Variants in FAM234B observed in about 807,000 individuals in gnomAD.
FAM234B encodes family with sequence similarity 234 member B.
A neutral mutation model predicts 69.3 loss-of-function variants in FAM234B; 33 were observed. That is an observed-to-expected ratio of 0.48 (90% CI 0.36 to 0.64). The LOEUF is 0.64. FAM234B is among the 30% of genes least tolerant of loss of function. FAM234B has a pLI of 0.00. For synonymous variants in FAM234B, 306 were observed against 306.9 expected (o/e 1.00, Z 0.03); for missense variants, 697 against 769.7 (o/e 0.91, Z 1.12).
chr12:13,072,654 C>A (rs1031973721), intron 10 of FAM234B, among the ~76,000 whole-genome samples: 1 of 150,720 alleles, frequency 6.6e-6, no homozygotes, highest in African/African-American at 2.4e-5. Flanking sequence ...CGCTTGAACC[C>A]GGGAGGCAGA....
rs1473666675 is a variant in FAM234B, at chr12:13,055,807, G to A, written c.294G>A (p.Leu98=). The change falls in exon 2 of 13, where the codon CTG becomes CTA. Residue 98 remains leucine, a synonymous_variant. Transcript: ENST00000197268. ...TGGAACAGAAGGCGGCCTCCTCCCT[G>A]GTGTCATATGTGCGCACGTCTGTCT... ...GGLEQKAASS[L]VSYVRTSVFL... is the part of the protein sequence containing the mutation. 3 of 1,614,038 alleles carry A rather than the reference G, an allele frequency of 1.9e-6. No individual in the cohort carries two copies. Among genetic ancestry groups the A allele is most frequent in the African/African-American group, 1.3e-5 (1 of 74,912 alleles).
intron 1 of FAM234B, among the ~76,000 whole-genome samples, chr12:13,053,513 C>T (rs536549209): frequency 2.0e-5 from 3 of 151,982 alleles, no homozygotes; most frequent in South Asian, 2.1e-4. Context: ...TCGGTAGGTC[C>T]GTGATGTCCC....
chr12:13,070,211 A>ATATATATATATATAT (rs1865090916), intron 9 of FAM234B, among the ~76,000 whole-genome samples: 2 of 142,352 alleles, frequency 1.4e-5, no homozygotes, highest in African/African-American at 5.2e-5. Context: ...ATATATATAT[A>ATATATATATATATAT]AAATGAAATA....
chr12:13,058,314 G>A, intron 2 of FAM234B, 137 bp from the exon 3 acceptor site: 1 of 712,514 alleles, frequency 1.4e-6, no homozygotes, highest in Non-Finnish European at 2.6e-6. Flanking sequence ...ACTTAGCAGG[G>A]GGAGTAGGGA....
At position 13,082,600 on chromosome 12, in the gene FAM234B, GC is replaced by G. The variant is rs1233924864; in HGVS notation, c.*1972del. 1 of 152,154 alleles carries G rather than the reference GC, an allele frequency of 6.6e-6. No individual in the cohort carries two copies. Among genetic ancestry groups the G allele is most frequent in the African/African-American group, 2.4e-5 (1 of 41,432 alleles). The allele number at this position is 152,154 out of a possible 1,614,324, so 9.4% of individuals were successfully genotyped here. A position where few individuals can be genotyped will look rare whatever the true frequency, so the allele number is the denominator to read the frequency against. Reference sequence around the variant, plus strand: ...GATTTGAATCTACTTGAGTTTAAGGGCCTGGGACCTAATTTGGTTTAGTATA... The same window carrying G: ...GATTTGAATCTACTTGAGTTTAAGGGCTGGGACCTAATTTGGTTTAGTATA... On this transcript the variant is annotated 3_prime_UTR_variant, in exon 13 of 13. Transcript: ENST00000197268.
chr12:13,072,994 G>A (rs978186292), intron 10 of FAM234B, among the ~76,000 whole-genome samples: 4 of 152,152 alleles, frequency 2.6e-5, no homozygotes, highest in Admixed American at 2.6e-4. Context: ...ATTTCCCATT[G>A]AAACTCACAA....
At chr12:13,078,433 T>C (rs1865185815) in intron 11 of FAM234B, among the ~76,000 whole-genome samples, 1 of 152,226 alleles carries the variant, frequency 6.6e-6, no homozygotes. Flanking sequence ...GCCAATATCC[T>C]ACTGAATGGG....
At position 13,044,553 on chromosome 12, in the gene FAM234B, C is replaced by A; in HGVS notation, c.37+113C>A. The A allele has an allele frequency of 8.3e-7, 1 of 1,204,278 alleles. No homozygotes were observed. Among genetic ancestry groups the A allele is most frequent in the Non-Finnish European group, 1.2e-6 (1 of 846,262 alleles). 74.6% of individuals were successfully genotyped at this position (1,204,278 alleles called of 1,614,324 possible). On this transcript the variant is annotated intron_variant, in intron 1 of 12. Coordinates refer to ENST00000197268, the MANE Select transcript of FAM234B (RefSeq NM_020853.2). The surrounding 1 kb of genome is among the most constrained non-coding windows in gnomAD (Gnocchi z 5.6). Reference sequence around the variant, plus strand: ...CCTGGCCTCAACCCAGACTCAGCTGCAGGCGCCCGGTGCCGAGGAGGGTGC... The same window carrying A: ...CCTGGCCTCAACCCAGACTCAGCTGAAGGCGCCCGGTGCCGAGGAGGGTGC...
At chr12:13,068,145 C>A (rs1453641771) in intron 7 of FAM234B, among the ~76,000 whole-genome samples, 159 bp from the exon 8 acceptor site, 3 of 152,170 alleles carry the variant, frequency 2.0e-5, no homozygotes, top group Non-Finnish European at 2.9e-5. Context: ...AAATGAGATT[C>A]AACTGAAACA....
At position 13,053,013 on chromosome 12, in the gene FAM234B, A is replaced by G. The variant is rs144613118; in HGVS notation, c.38-2538A>G. The stretch of plus-strand genomic sequence containing the variant: ...AAATAATTTGGTTCATGGAGTAGAA[A>G]TACAAATTGTAGGAGATTATCTGGA... On this transcript the variant is annotated intron_variant, in intron 1 of 12. Transcript: ENST00000197268. Among the ~76,000 whole-genome samples the G allele has an allele frequency of 7.5e-3, 1,140 of 152,302 alleles. 11 individuals carry two copies. Among genetic ancestry groups the G allele is most frequent in the African/African-American group, 0.026 (1,084 of 41,568 alleles).
chr12:13,070,873 T>C (rs760983354), intron 9 of FAM234B, among the ~76,000 whole-genome samples: 1 of 152,168 alleles, frequency 6.6e-6, no homozygotes, highest in Non-Finnish European at 1.5e-5. Context: ...GCAGAGTGGC[T>C]GCTCTGTCTC....
chr12:13,079,279 A>T (rs2120513218), intron 11 of FAM234B, among the ~76,000 whole-genome samples: 1 of 152,346 alleles, frequency 6.6e-6, no homozygotes, highest in Non-Finnish European at 1.5e-5. Flanking sequence ...GAGAAAAACA[A>T]GCAATGGAGA....
chr12:13,065,353 C>T (rs966508607), intron 5 of FAM234B, among the ~76,000 whole-genome samples: 3 of 152,160 alleles, frequency 2.0e-5, no homozygotes, highest in Non-Finnish European at 4.4e-5. Context: ...ATTTCTTTCC[C>T]TTTGCATTCT....
chr12:13,052,647 AGT>A (rs1349497992), intron 1 of FAM234B, among the ~76,000 whole-genome samples: 2 of 152,128 alleles, frequency 1.3e-5, no homozygotes, highest in African/African-American at 4.8e-5. Flanking sequence ...TGTTTCTGTG[AGT>A]GTGACTACTC....
intron 10 of FAM234B, among the ~76,000 whole-genome samples, chr12:13,073,083 G>A (rs1454356325): frequency 6.6e-6 from 1 of 151,734 alleles, no homozygotes; most frequent in African/African-American, 2.4e-5. Context: ...TTTCCCAGGT[G>A]TTTTTCTGCT....
chr12:13,054,006 C>T (rs1219429820), intron 1 of FAM234B, among the ~76,000 whole-genome samples: 2 of 152,186 alleles, frequency 1.3e-5, no homozygotes, highest in East Asian at 1.9e-4. Context: ...TCTACCCGAC[C>T]CCGCAGGCAG....
chr12:13,079,671 T>C, intron 11 of FAM234B, 118 bp from the exon 12 acceptor site: 1 of 676,402 alleles, frequency 1.5e-6, no homozygotes, highest in Non-Finnish European at 2.6e-6. Context: ...TATTCAGTGC[T>C]CAGTACATTT....
At chr12:13,055,967 C>A in intron 2 of FAM234B, 21 bp downstream of exon 2, 2 of 1,516,316 alleles carry the variant, frequency 1.3e-6, no homozygotes, top group Non-Finnish European at 1.8e-6. Flanking sequence ...GAATCTTCAG[C>A]CCTAATCCTG....
chr12:13,046,390 TC>T, intron 1 of FAM234B, among the ~76,000 whole-genome samples: 1 of 152,328 alleles, frequency 6.6e-6, no homozygotes, highest in East Asian at 1.9e-4. Context: ...GAGACTGCTG[TC>T]CTGTTTGGGC....
Sources: gnomAD v4.1 joint callset for allele counts (sites outside exome capture counted in the v4.1 genomes callset) on GRCh38, gnomAD v4.1.1 for gene constraint, Gnocchi (gnomAD v3.1) non-coding constraint, MANE v1.5 for transcripts, NCBI Gene and HGNC (gene_info 2026-07-23, HGNC 2026-07-21) for gene names.